Variants in EDA observed in about 807,000 individuals in gnomAD.
EDA encodes ectodysplasin A.
In EDA, 2 loss-of-function variants were observed where a neutral mutation model predicts 23.6. That is an observed-to-expected ratio of 0.08 (90% CI 0.03 to 0.27). The LOEUF is 0.27. Ranked by LOEUF, EDA falls within the 10% of genes least tolerant of loss-of-function variation. The pLI is 1.00. For synonymous variants in EDA, 131 were observed against 132.0 expected (o/e 0.99, Z 0.05); for missense variants, 229 against 324.2 (o/e 0.71, Z 2.26).
intron 1 of EDA, among the ~76,000 whole-genome samples, chrX:69,704,820 T>G (rs1240922412): frequency 1.8e-5 from 2 of 111,718 alleles, no homozygotes; most frequent in East Asian, 5.6e-4. Flanking sequence ...AATTGCTCAT[T>G]AAACAAAACT....
In EDA at chrX:69,710,953, C is replaced by A. The variant is rs1308669622; in HGVS notation, c.396+94249C>A. Among the ~76,000 whole-genome samples, 3 of 111,682 alleles carry A rather than the reference C, an allele frequency of 2.7e-5. No individual in the cohort carries two copies. The East Asian group carries it at 8.5e-4, about 32-fold the overall frequency. Reference sequence around the variant, plus strand: ...TCATCTGCAAACAGGGACAATTTGACTTCCTCTTTTCCTAATTGAATACTC... The same window carrying A: ...TCATCTGCAAACAGGGACAATTTGAATTCCTCTTTTCCTAATTGAATACTC... On this transcript the variant is annotated intron_variant, in intron 1 of 7. Transcript: ENST00000374552.
chrX:69,978,596 G>C (rs2019357647), intron 2 of EDA, among the ~76,000 whole-genome samples: 1 of 110,008 alleles, frequency 9.1e-6, no homozygotes. Flanking sequence ...ACAATTCAGT[G>C]GTTTTTAGAA....
chrX:69,843,075 G>C (rs752928113), intron 1 of EDA, among the ~76,000 whole-genome samples: 4 of 112,024 alleles, frequency 3.6e-5, no homozygotes, highest in Admixed American at 2.9e-4. Context: ...CCTTCAAGGA[G>C]CTTATGGGTT....
intron 1 of EDA, among the ~76,000 whole-genome samples, chrX:69,751,913 T>C (rs2013895025): frequency 1.8e-5 from 2 of 110,124 alleles, no homozygotes; most frequent in South Asian, 8.0e-4. Flanking sequence ...TTGTGGCTTT[T>C]GCACATTGAT....
intron 1 of EDA, among the ~76,000 whole-genome samples, chrX:69,888,991 T>TATATATATATATATATA: frequency 1.7e-5 from 1 of 58,672 alleles, no homozygotes; most frequent in African/African-American, 6.1e-5. Flanking sequence ...TATATATATA[T>TATATATATATATATATA]ATATATATAT....
At chrX:69,875,838 G>C (rs182892664) in intron 1 of EDA, among the ~76,000 whole-genome samples, 32 of 111,610 alleles carry the variant, frequency 2.9e-4, no homozygotes, top group Non-Finnish European at 5.6e-4. Flanking sequence ...GACATGAATA[G>C]ACAGTTCTCA....
At chrX:70,033,139 G>C (rs1336601397) in intron 6 of EDA, among the ~76,000 whole-genome samples, 1 of 112,837 alleles carries the variant, frequency 8.9e-6, no homozygotes, top group African/African-American at 3.2e-5. Flanking sequence ...ATTGGTTAAA[G>C]ACCCTTCCAG....
At chrX:69,751,107 T>A (rs1210594146) in intron 1 of EDA, among the ~76,000 whole-genome samples, 1 of 109,681 alleles carries the variant, frequency 9.1e-6, no homozygotes, top group Non-Finnish European at 1.9e-5. Flanking sequence ...CCCATGCCTA[T>A]GTCCTGAATG....
intron 1 of EDA, among the ~76,000 whole-genome samples, chrX:69,825,496 G>T (rs1350139258): frequency 2.7e-5 from 3 of 111,362 alleles, no homozygotes; most frequent in Admixed American, 9.5e-5. Flanking sequence ...AGAGGTGTTT[G>T]TAGTATTCTC....
intron 1 of EDA, among the ~76,000 whole-genome samples, chrX:69,753,474 G>T (rs1013698114): frequency 1.8e-5 from 2 of 111,717 alleles, no homozygotes; most frequent in Non-Finnish European, 3.8e-5. Flanking sequence ...TTTTACATTT[G>T]CTGAGGAGTG....
At chrX:69,840,767 G>C (rs746475744) in intron 1 of EDA, among the ~76,000 whole-genome samples, 14 of 111,979 alleles carry the variant, frequency 1.3e-4, no homozygotes, top group African/African-American at 4.2e-4. Context: ...AGCAGGTTCA[G>C]TTGTCTGGCG....
chrX:69,884,455 A>G (rs958254285), intron 1 of EDA, among the ~76,000 whole-genome samples: 16 of 112,245 alleles, frequency 1.4e-4, no homozygotes, highest in Non-Finnish European at 2.6e-4. Context: ...TAGACTTTAA[A>G]TGGATGATTA....
intron 2 of EDA, among the ~76,000 whole-genome samples, chrX:69,987,963 AT>A (rs1430994978): frequency 8.9e-6 from 1 of 111,916 alleles, no homozygotes; most frequent in East Asian, 2.8e-4. Flanking sequence ...AGCAAGGAGA[AT>A]TAATGGCTCA....
At chrX:69,982,189 G>A (rs772994117) in intron 2 of EDA, among the ~76,000 whole-genome samples, 2 of 111,388 alleles carry the variant, frequency 1.8e-5, no homozygotes, top group African/African-American at 3.3e-5. Context: ...TGTTGCTGCC[G>A]TTACTTTTGA....
chrX:69,778,562 T>C (rs2014853274), intron 1 of EDA, among the ~76,000 whole-genome samples: 2 of 111,983 alleles, frequency 1.8e-5, no homozygotes, highest in African/African-American at 6.5e-5. Flanking sequence ...CTAAAACTTC[T>C]TGTGGTAAAC....
intron 1 of EDA, among the ~76,000 whole-genome samples, chrX:69,753,797 C>T (rs1401066658): frequency 1.8e-5 from 2 of 111,380 alleles, no homozygotes; most frequent in South Asian, 3.8e-4. Flanking sequence ...GTTGGCTCTT[C>T]TTGTTGAATT....
At chrX:69,680,969 C>T (rs1226357998) in intron 1 of EDA, among the ~76,000 whole-genome samples, 2,559 of 107,472 alleles carry the variant, frequency 0.024, 63 homozygotes, top group African/African-American at 0.084. Context: ...CCGGTTGTTC[C>T]TTTCCATGTT....
chrX:69,731,841 C>G (rs2013042332), intron 1 of EDA, among the ~76,000 whole-genome samples: 1 of 111,881 alleles, frequency 8.9e-6, no homozygotes, highest in African/African-American at 3.2e-5. Context: ...TGTTCTTAAC[C>G]TTAGGGGAAA....
At chrX:69,730,164 A>G (rs2012967335) in intron 1 of EDA, among the ~76,000 whole-genome samples, 1 of 111,124 alleles carries the variant, frequency 9.0e-6, no homozygotes. Context: ...GCACCAGCCT[A>G]TTTATTTGTT....
Sources: gnomAD v4.1 joint callset for allele counts (sites outside exome capture counted in the v4.1 genomes callset) on GRCh38, gnomAD v4.1.1 for gene constraint, MANE v1.5 for transcripts, NCBI Gene and HGNC (gene_info 2026-07-23, HGNC 2026-07-21) for gene names.